Variants in ZNF385B observed in about 807,000 individuals in gnomAD.
ZNF385B encodes the protein zinc finger protein 533.
Under a neutral mutation model 39.2 loss-of-function variants are expected in ZNF385B, and 23 were observed. The observed-to-expected ratio is 0.59, with a 90% confidence interval of 0.42 to 0.83. The LOEUF (loss-of-function observed/expected upper bound fraction) is 0.83, where lower values mean the gene tolerates loss of function less well. Among genes scored for constraint, ZNF385B ranks in the 40% least tolerant of loss-of-function variants. The probability of loss-of-function intolerance (pLI) is 0.00; values close to 1 mark genes in which losing one functional copy is unlikely to be tolerated. For synonymous variants in ZNF385B, 205 were observed against 222.6 expected (o/e 0.92, Z 0.70); for missense variants, 552 against 598.9 (o/e 0.92, Z 0.82).
chr2:179,704,699 A>T (rs1699456755), intron 3 of ZNF385B, among the ~76,000 whole-genome samples: 1 of 152,162 alleles, frequency 6.6e-6, no homozygotes, highest in Non-Finnish European at 1.5e-5. Context: ...GGCCAAAGGT[A>T]CTCTGAAGAT....
intron 6 of ZNF385B, among the ~76,000 whole-genome samples, chr2:179,470,282 C>T (rs1202577852): frequency 6.6e-6 from 1 of 152,122 alleles, no homozygotes; most frequent in African/African-American, 2.4e-5. Context: ...AAGTTTTAAC[C>T]TTGCCAGTTT....
chr2:179,751,556 A>T (rs567869034), intron 3 of ZNF385B, among the ~76,000 whole-genome samples: 1 of 152,304 alleles, frequency 6.6e-6, no homozygotes, highest in East Asian at 1.9e-4. Flanking sequence ...TTTAAGAGTT[A>T]TAATACCTAT....
chr2:179,828,935 G>T (rs998381756), intron 1 of ZNF385B, among the ~76,000 whole-genome samples: 2 of 151,582 alleles, frequency 1.3e-5, no homozygotes, highest in African/African-American at 4.8e-5. Flanking sequence ...GAAAGAGAAT[G>T]AGAAAGAAAG....
At chr2:179,743,315 G>GA (rs1182700678) in intron 3 of ZNF385B, among the ~76,000 whole-genome samples, 2 of 151,552 alleles carry the variant, frequency 1.3e-5, no homozygotes, top group African/African-American at 2.4e-5. Flanking sequence ...CCCAAAAGAA[G>GA]AAAAAAAAGT....
chr2:179,853,874 A>T (rs1684372421), intron 1 of ZNF385B, among the ~76,000 whole-genome samples: 2 of 152,172 alleles, frequency 1.3e-5, no homozygotes, highest in African/African-American at 4.8e-5. Flanking sequence ...TAATAAATAG[A>T]ACTGAAATTT....
chr2:179,532,263 A>T (rs529661326), intron 4 of ZNF385B, among the ~76,000 whole-genome samples: 1 of 152,356 alleles, frequency 6.6e-6, no homozygotes, highest in South Asian at 2.1e-4. Flanking sequence ...TTTATTTCAA[A>T]TATACGCAAA....
chr2:179,446,853 G>A, intron 6 of ZNF385B, 83 bp from the exon 7 acceptor site: 2 of 1,480,510 alleles, frequency 1.4e-6, no homozygotes, highest in Non-Finnish European at 1.8e-6. Flanking sequence ...ATTAAAAATA[G>A]AAATTTGATT....
chr2:179,678,095 C>G (rs34008381), intron 3 of ZNF385B, among the ~76,000 whole-genome samples: 1 of 151,892 alleles, frequency 6.6e-6, no homozygotes, highest in Admixed American at 6.6e-5. Flanking sequence ...CTGAATAAGG[C>G]TGGATTTTTC....
At chr2:179,666,894 G>A (rs1027595050) in intron 3 of ZNF385B, among the ~76,000 whole-genome samples, 1 of 145,810 alleles carries the variant, frequency 6.9e-6, no homozygotes, top group African/African-American at 2.4e-5. Context: ...AAAAATACCT[G>A]TAGCTGTTGT....
chr2:179,460,655 T>C (rs1315576677), intron 6 of ZNF385B, among the ~76,000 whole-genome samples: 1 of 152,126 alleles, frequency 6.6e-6, no homozygotes, highest in Non-Finnish European at 1.5e-5. Flanking sequence ...TTTTGAGATG[T>C]TTTTCAGACT....
At chr2:179,612,780 C>G (rs1057128628) in intron 3 of ZNF385B, among the ~76,000 whole-genome samples, 1 of 152,132 alleles carries the variant, frequency 6.6e-6, no homozygotes, top group African/African-American at 2.4e-5. Flanking sequence ...CCCAGGTGGG[C>G]TGGCGGCAAA....
At chr2:179,515,629 T>C (rs2058038283) in intron 5 of ZNF385B, among the ~76,000 whole-genome samples, 1 of 152,214 alleles carries the variant, frequency 6.6e-6, no homozygotes, top group Non-Finnish European at 1.5e-5. Context: ...TGTCTATTCT[T>C]ACAAAAGTCT....
intron 6 of ZNF385B, among the ~76,000 whole-genome samples, chr2:179,480,719 C>T (rs902664914): frequency 4.0e-5 from 6 of 150,122 alleles, no homozygotes; most frequent in Non-Finnish European, 7.4e-5. Flanking sequence ...TAAGTGCCAT[C>T]TTTCAATGAC....
chr2:179,546,967 T>C (rs1314693578), intron 3 of ZNF385B, among the ~76,000 whole-genome samples: 2 of 150,082 alleles, frequency 1.3e-5, no homozygotes, highest in East Asian at 3.9e-4. Flanking sequence ...TTGTCTGTTT[T>C]TGAAGATCAA....
intron 3 of ZNF385B, among the ~76,000 whole-genome samples, chr2:179,586,835 G>A (rs954219422): frequency 6.6e-5 from 10 of 152,058 alleles, no homozygotes; most frequent in African/African-American, 2.2e-4. Context: ...TCAGGAGTTC[G>A]AGACCAGCCT....
intron 3 of ZNF385B, among the ~76,000 whole-genome samples, chr2:179,698,055 G>T (rs909890075): frequency 1.3e-5 from 2 of 152,114 alleles, no homozygotes; most frequent in African/African-American, 2.4e-5. Context: ...GTGGAGTGAG[G>T]GGGGAGGGAT....
chr2:179,469,593 A>C (rs1207347346), intron 6 of ZNF385B, among the ~76,000 whole-genome samples: 1 of 152,154 alleles, frequency 6.6e-6, no homozygotes, highest in Non-Finnish European at 1.5e-5. Flanking sequence ...ACTTTGGGTA[A>C]GTGGTGGGGT....
intron 3 of ZNF385B, among the ~76,000 whole-genome samples, chr2:179,612,208 A>G (rs1428700274): frequency 2.0e-5 from 3 of 152,200 alleles, no homozygotes; most frequent in African/African-American, 4.8e-5. Flanking sequence ...CTATCTCTCC[A>G]GGATTGGTCC....
chr2:179,803,077 T>C (rs1449106056), intron 1 of ZNF385B, among the ~76,000 whole-genome samples: 2 of 152,174 alleles, frequency 1.3e-5, no homozygotes, highest in African/African-American at 2.4e-5. Flanking sequence ...ATTTTTATCA[T>C]CCTCATGTTA....
Sources: allele counts gnomAD v4.1 joint callset (sites outside exome capture counted in the v4.1 genomes callset), GRCh38; gene constraint gnomAD v4.1.1; transcripts MANE v1.5; gene names NCBI Gene and HGNC (gene_info 2026-07-23, HGNC 2026-07-21).